Variants in ARHGEF7 observed in about 807,000 individuals in gnomAD.
The protein encoded by ARHGEF7 is PAK-interacting exchange factor beta.
In ARHGEF7, 33 loss-of-function variants were observed where a neutral mutation model predicts 109.8. That is an observed-to-expected ratio of 0.30 (90% CI 0.23 to 0.40). The LOEUF (loss-of-function observed/expected upper bound fraction) is 0.40. ARHGEF7 is among the 10% of genes least tolerant of loss of function. The probability of loss-of-function intolerance (pLI) is 1.00; values close to 1 mark genes in which losing one functional copy is unlikely to be tolerated. For synonymous variants in ARHGEF7, 458 were observed against 424.6 expected, an observed-to-expected ratio of 1.08 and a Z score of -0.97; for missense variants, 938 against 1,098.5, an observed-to-expected ratio of 0.85 and a Z score of 2.07.
chr13:111,283,235 C>T lies in ARHGEF7; in HGVS notation c.1822C>T (p.His608Tyr). 6.3e-7 allele frequency: 1 copy of T among 1,589,512 alleles called. No individual in the cohort carries two copies. Among genetic ancestry groups the T allele is most frequent in the Non-Finnish European group, 8.5e-7 (1 of 1,170,098 alleles). The part of the protein sequence containing the change: ...AYHTLPHPSH[H>Y]GTPHTTINWG... ...CCACACGCTGCCCCACCCCTCCCAC[C>T]ACGGCACCCCGCACACCACCATCAA... The change falls in exon 16 of 22, where the codon CAC becomes TAC. Residue 608 changes from histidine to tyrosine, a missense_variant. His to Tyr is a moderately conservative substitution (Grantham distance 83). Coordinates refer to ENST00000646102, the MANE Select transcript of ARHGEF7 (RefSeq NM_001354046.2).
At chr13:111,219,288 G>T (rs1170304498) in intron 5 of ARHGEF7, among the ~76,000 whole-genome samples, 1 of 152,172 alleles carries the variant, frequency 6.6e-6, no homozygotes, top group African/African-American at 2.4e-5. Context: ...ATTTCATTCA[G>T]CATAAAGTGC....
intron 4 of ARHGEF7, among the ~76,000 whole-genome samples, chr13:111,216,279 G>C (rs376437547): frequency 3.9e-5 from 6 of 152,218 alleles, no homozygotes; most frequent in South Asian, 2.1e-4. Context: ...TTGCTGGATG[G>C]GGGGGTGATG....
At position 111,228,488 on chromosome 13, in the gene ARHGEF7, C is replaced by T. The variant is rs538782235; in HGVS notation, c.671-4717C>T. 1.1e-4 allele frequency among the ~76,000 whole-genome samples: 17 copies of T among 152,210 alleles called. No individual in the cohort carries two copies. The South Asian group carries it at 3.5e-3, about 32-fold the overall frequency. ...ACGGCGGGAGCGGATGAGGCAGGCTCGATGCTGAGGACTGCTAACACTGTT... is the reference window on the plus strand; with the variant it reads ...ACGGCGGGAGCGGATGAGGCAGGCTTGATGCTGAGGACTGCTAACACTGTT... On this transcript the variant is annotated intron_variant, in intron 5 of 21. Coordinates refer to ENST00000646102, the MANE Select transcript of ARHGEF7 (RefSeq NM_001354046.2). This position sits in a 1 kb window ranked among gnomAD's most constrained non-coding sequence, Gnocchi z 4.6.
chr13:111,187,470 G>T (rs1308423269), intron 2 of ARHGEF7, among the ~76,000 whole-genome samples: 1 of 152,200 alleles, frequency 6.6e-6, no homozygotes, highest in African/African-American at 2.4e-5. Context: ...TGCCATTCCT[G>T]ACTTGTTTGT....
chr13:111,296,836 G>A (rs957894989), intron 19 of ARHGEF7, among the ~76,000 whole-genome samples: 7 of 152,264 alleles, frequency 4.6e-5, no homozygotes, highest in Admixed American at 4.6e-4. Context: ...AAGATTTCCC[G>A]AAACGATGTG....
chr13:111,301,326 G>T (rs1004344486), intron 20 of ARHGEF7, 152 bp from the exon 21 acceptor site: 18 of 616,052 alleles, frequency 2.9e-5, no homozygotes, highest in Non-Finnish European at 4.3e-5. Context: ...ACAGAGGTTG[G>T]CAGTTTTTAG....
intron 2 of ARHGEF7, among the ~76,000 whole-genome samples, chr13:111,199,376 A>G (rs184639661): frequency 1.9e-4 from 29 of 152,086 alleles, no homozygotes; most frequent in Admixed American, 9.8e-4. Flanking sequence ...TTAGAATAAT[A>G]CTCTTTTTGA....
chr13:111,297,851 G>C (rs1046585897), intron 19 of ARHGEF7, among the ~76,000 whole-genome samples: 9 of 152,226 alleles, frequency 5.9e-5, no homozygotes, highest in African/African-American at 7.2e-5. Flanking sequence ...GATATAAACA[G>C]GTTGTCTAGG....
Position 111,145,967 on chromosome 13 carries a change from GTCA to G in ARHGEF7, c.166-7936_166-7934del, listed in dbSNP as rs1254131651. On this transcript the variant is annotated intron_variant, in intron 1 of 21. Transcript: ENST00000646102. The surrounding 1 kb of genome is among the most constrained non-coding windows in gnomAD (Gnocchi z 4.3). ...GGATTTGGTGACCTAAGTGAGTTAGGTCATTTAGTGCACAGTTGCTGACTGTTT... is the reference window on the plus strand; with the variant it reads ...GGATTTGGTGACCTAAGTGAGTTAGGTTTAGTGCACAGTTGCTGACTGTTT... Among the ~76,000 whole-genome samples the G allele has an allele frequency of 6.6e-6, 1 of 152,178 alleles. No homozygotes were observed. Among genetic ancestry groups the G allele is most frequent in the African/African-American group, 2.4e-5 (1 of 41,424 alleles).
intron 2 of ARHGEF7, chr13:111,159,183 G>T (rs1456339297): frequency 1.4e-5 from 9 of 665,030 alleles, no homozygotes; most frequent in Admixed American, 2.3e-5. Context: ...TGTTCTCCAG[G>T]TTCATTCATT....
intron 1 of ARHGEF7, among the ~76,000 whole-genome samples, chr13:111,117,775 T>A (rs946367837): frequency 1.3e-5 from 2 of 152,108 alleles, no homozygotes; most frequent in Non-Finnish European, 2.9e-5. Flanking sequence ...TTGGCCAGGC[T>A]GGTCTTGAAC....
intron 8 of ARHGEF7, among the ~76,000 whole-genome samples, chr13:111,251,283 G>A (rs1381949114): frequency 1.3e-5 from 2 of 152,212 alleles, no homozygotes; most frequent in East Asian, 1.9e-4. Context: ...AGGAGAGAGA[G>A]CACCCTGAGG....
chr13:111,253,997 A>G (rs916598899), intron 8 of ARHGEF7, among the ~76,000 whole-genome samples: 1 of 152,198 alleles, frequency 6.6e-6, no homozygotes, highest in Non-Finnish European at 1.5e-5. Context: ...CTGGGAGATC[A>G]CAGGATGCCA....
intron 5 of ARHGEF7, among the ~76,000 whole-genome samples, chr13:111,222,619 A>C (rs1181277997): frequency 6.6e-6 from 1 of 152,048 alleles, no homozygotes; most frequent in Non-Finnish European, 1.5e-5. Flanking sequence ...TAGTAGAGAT[A>C]GGGTTTTACC....
At chr13:111,168,353 C>T (rs1014400895) in intron 2 of ARHGEF7, among the ~76,000 whole-genome samples, 1 of 152,060 alleles carries the variant, frequency 6.6e-6, no homozygotes, top group African/African-American at 2.4e-5. Context: ...GCCCAGCCAC[C>T]TAGCAGCTGT....
intron 2 of ARHGEF7, among the ~76,000 whole-genome samples, chr13:111,156,899 G>A (rs2076380737): frequency 6.6e-6 from 1 of 152,138 alleles, no homozygotes. Context: ...TTCTTCCAGG[G>A]GTTAGTTTAG....
chr13:111,255,458 C>G lies in ARHGEF7; in HGVS notation c.950+11164C>G, dbSNP rs2090311414. 6.6e-6 allele frequency among the ~76,000 whole-genome samples: 1 copy of G among 152,234 alleles called. No individual in the cohort carries two copies. The highest frequency in any genetic ancestry group is 2.4e-5 in the African/African-American group (1 of 41,458). On this transcript the variant is annotated intron_variant, in intron 8 of 21. Coordinates refer to ENST00000646102, the MANE Select transcript of ARHGEF7 (RefSeq NM_001354046.2). This position sits in a 1 kb window ranked among gnomAD's most constrained non-coding sequence, Gnocchi z 4.1. Reference sequence around the variant, plus strand: ...AAAGCAGGGGTGCTGGTGTCACCCACCCAGAGTCTTGCGGAGGTAAAGTGG... The same window carrying G: ...AAAGCAGGGGTGCTGGTGTCACCCAGCCAGAGTCTTGCGGAGGTAAAGTGG...
At chr13:111,252,653 C>T (rs141975674) in intron 8 of ARHGEF7, among the ~76,000 whole-genome samples, 2,548 of 152,280 alleles carry the variant, frequency 0.017, 40 homozygotes, top group Middle Eastern at 0.075. Context: ...CTTCCATGTA[C>T]AGACCTACTA....
chr13:111,221,580 T>TATATATCTATATATAGATACATATCG (rs1566877331), intron 5 of ARHGEF7, among the ~76,000 whole-genome samples: 4 of 76,330 alleles, frequency 5.2e-5, no homozygotes, highest in Admixed American at 1.7e-4. Flanking sequence ...GATACATATC[T>TATATATCTATATATAGATACATATCG]ATATATATCT....
Sources: gnomAD v4.1 joint callset for allele counts (sites outside exome capture counted in the v4.1 genomes callset) on GRCh38, gnomAD v4.1.1 for gene constraint, Gnocchi (gnomAD v3.1) non-coding constraint, MANE v1.5 for transcripts, NCBI Gene and HGNC (gene_info 2026-07-23, HGNC 2026-07-21) for gene names.